RANBP2: variants seen among roughly 807,000 people sequenced by gnomAD.
RANBP2 encodes the protein E3 SUMO-protein ligase RanBP2.
A neutral mutation model predicts 303.6 loss-of-function variants in RANBP2; 57 were observed. The observed-to-expected ratio is 0.19, with a 90% CI of 0.15 to 0.23. The LOEUF (loss-of-function observed/expected upper bound fraction) is 0.23. Among genes scored for constraint, RANBP2 ranks in the 10% least tolerant of loss-of-function variants. RANBP2 has a pLI of 1.00. For synonymous variants in RANBP2, 1,167 were observed against 1,301.5 expected (o/e 0.90, Z 2.23); for missense variants, 3,138 against 3,780.8 (o/e 0.83, Z 4.46).
At chr2:109,240,925 T>C in the RANBP2 span, among the ~76,000 whole-genome samples, 2 of 147,438 alleles carry the variant, frequency 1.4e-5, no homozygotes, top group Admixed American at 1.3e-4. Context: ...TCTTTTCTCA[T>C]GTTCCATCTT....
the RANBP2 span, among the ~76,000 whole-genome samples, chr2:108,966,088 C>T: frequency 6.6e-6 from 1 of 152,072 alleles, no homozygotes; most frequent in Non-Finnish European, 1.5e-5. Context: ...CAGTTTATAG[C>T]CTTGGAGTTC....
At chr2:108,896,842 C>G in the RANBP2 span, 1 of 1,515,624 alleles carries the variant, frequency 6.6e-7, no homozygotes, top group Non-Finnish European at 9.0e-7. Flanking sequence ...TGGCACCACT[C>G]ACAGCTCCAG....
chr2:109,307,387 G>A, the RANBP2 span, among the ~76,000 whole-genome samples: 1 of 151,974 alleles, frequency 6.6e-6, no homozygotes, highest in East Asian at 1.9e-4. Flanking sequence ...CTGCATCCAT[G>A]CTCTGGGCGG....
chr2:108,942,872 ATTTT>A, the RANBP2 span, among the ~76,000 whole-genome samples: 1 of 152,088 alleles, frequency 6.6e-6, no homozygotes, highest in Admixed American at 6.5e-5. Flanking sequence ...AGCGGGTAGG[ATTTT>A]TGTTTGTTTG....
At chr2:109,419,742 T>A in the RANBP2 span, 1 of 1,126,966 alleles carries the variant, frequency 8.9e-7, no homozygotes, top group Non-Finnish European at 1.3e-6. Flanking sequence ...TTTTCCCATG[T>A]GTTACTAGTT....
the RANBP2 span, among the ~76,000 whole-genome samples, chr2:109,192,519 A>G: frequency 6.6e-6 from 1 of 152,190 alleles, no homozygotes; most frequent in Admixed American, 6.5e-5. Flanking sequence ...AGCCTTTCTT[A>G]TAGAGATTTG....
the RANBP2 span, among the ~76,000 whole-genome samples, chr2:109,409,085 A>G: frequency 6.6e-6 from 1 of 152,206 alleles, no homozygotes; most frequent in African/African-American, 2.4e-5. Flanking sequence ...TGAGATTTTC[A>G]TTCACCAAAC....
chr2:109,726,573 C>A, the RANBP2 span, among the ~76,000 whole-genome samples: 1 of 152,122 alleles, frequency 6.6e-6, no homozygotes, highest in Non-Finnish European at 1.5e-5. Context: ...GATCATTAAC[C>A]ACTTTCGTTA....
chr2:109,773,366 TCCCA>T, the RANBP2 span, among the ~76,000 whole-genome samples: 1 of 131,720 alleles, frequency 7.6e-6, no homozygotes, highest in Admixed American at 7.8e-5. Flanking sequence ...CTATGCGTGT[TCCCA>T]CTCTTGAGGG....
chr2:108,924,685 C>T, the RANBP2 span, among the ~76,000 whole-genome samples: 1 of 152,104 alleles, frequency 6.6e-6, no homozygotes, highest in Admixed American at 6.5e-5. Flanking sequence ...AATTGCCTGC[C>T]CTCCCTCAAA....
At chr2:109,208,278 A>G in the RANBP2 span, among the ~76,000 whole-genome samples, 2 of 152,040 alleles carry the variant, frequency 1.3e-5, no homozygotes, top group Middle Eastern at 3.4e-3. Flanking sequence ...ATCCACAGAC[A>G]CTCCTGCCAC....
chr2:109,589,287 C>G, the RANBP2 span, among the ~76,000 whole-genome samples: 1 of 152,092 alleles, frequency 6.6e-6, no homozygotes, highest in African/African-American at 2.4e-5. Flanking sequence ...AATCTCAGCA[C>G]TTTAGGAGGC....
the RANBP2 span, among the ~76,000 whole-genome samples, chr2:109,322,968 C>T: frequency 0.57 from 86,428 of 152,062 alleles, 25,593 homozygotes; most frequent in East Asian, 0.86. Flanking sequence ...TATAAAGAGG[C>T]CAAATCTGAC....
the RANBP2 span, among the ~76,000 whole-genome samples, chr2:109,636,081 A>G: frequency 6.6e-6 from 1 of 152,188 alleles, no homozygotes; most frequent in Non-Finnish European, 1.5e-5. Flanking sequence ...ATACAGAGAG[A>G]AGGCACCATC....
At chr2:109,130,187 G>A in the RANBP2 span, 1 of 1,225,174 alleles carries the variant, frequency 8.2e-7, no homozygotes, top group Non-Finnish European at 1.0e-6. Context: ...GTGGGGGGCA[G>A]TGATGAGGTG....
At chr2:109,287,136 G>T in the RANBP2 span, among the ~76,000 whole-genome samples, 3 of 152,146 alleles carry the variant, frequency 2.0e-5, no homozygotes, top group Middle Eastern at 3.2e-3. Flanking sequence ...CTCATGGGGG[G>T]TTGTCCAGAG....
At chr2:109,015,021 G>A in the RANBP2 span, among the ~76,000 whole-genome samples, 2 of 149,972 alleles carry the variant, frequency 1.3e-5, no homozygotes, top group African/African-American at 4.9e-5. Context: ...TCGGGAGGCT[G>A]AGGCAGGAGA....
At chr2:109,316,220 C>T in the RANBP2 span, among the ~76,000 whole-genome samples, 2 of 152,184 alleles carry the variant, frequency 1.3e-5, no homozygotes, top group East Asian at 3.9e-4. Flanking sequence ...GGCTCTTGGG[C>T]TTCATCTCTC....
At chr2:109,513,023 G>T in the RANBP2 span, among the ~76,000 whole-genome samples, 3 of 152,180 alleles carry the variant, frequency 2.0e-5, no homozygotes, top group Non-Finnish European at 4.4e-5. Flanking sequence ...ACTTTCCCCT[G>T]CACAGAGCTG....
Sources: gnomAD v4.1 joint callset for allele counts (sites outside exome capture counted in the v4.1 genomes callset) on GRCh38, gnomAD v4.1.1 for gene constraint, MANE v1.5 for transcripts, NCBI Gene and HGNC (gene_info 2026-07-23, HGNC 2026-07-21) for gene names.